The following ARL15 variants were observed in gnomAD, a reference collection of about 807,000 sequenced individuals.
The protein encoded by ARL15 is ADP-ribosylation factor-like protein 15.
ARL15 carries 19 observed loss-of-function variants against 25.2 expected under a neutral mutation model. The observed-to-expected ratio is 0.75, with a 90% CI of 0.53 to 1.10. The LOEUF (loss-of-function observed/expected upper bound fraction) is 1.10, where lower values mean the gene tolerates loss of function less well. Ranked by LOEUF, ARL15 falls within the 50% of genes least tolerant of loss-of-function variation. ARL15 has a pLI of 0.00. For missense variants in ARL15, 220 were observed against 246.0 expected, an observed-to-expected ratio of 0.89 and a Z score of 0.71; for synonymous variants, 94 against 86.8, an observed-to-expected ratio of 1.08 and a Z score of -0.46.
At chr5:54,160,015 C>T (rs530124232) in intron 2 of ARL15, among the ~76,000 whole-genome samples, 21 of 152,304 alleles carry the variant, frequency 1.4e-4, no homozygotes, top group South Asian at 1.0e-3. Context: ...TCTGAGTGCA[C>T]GCACACAGAT....
chr5:54,148,826 T>G (rs931815704), intron 3 of ARL15, among the ~76,000 whole-genome samples: 6 of 152,214 alleles, frequency 3.9e-5, no homozygotes, highest in Admixed American at 2.6e-4. Context: ...GGGAGTATTA[T>G]GATGTCTGGG....
rs1490022743 is a variant in ARL15 at position 53,886,606 on chromosome 5, C to G, written c.570G>C (p.Leu190=). 2 of 1,563,104 alleles carry G rather than the reference C, an allele frequency of 1.3e-6. No individual in the cohort carries two copies. The highest frequency in any genetic ancestry group is 3.8e-5 in the Admixed American group (2 of 52,458). Residue 190 remains leucine (L), a synonymous_variant, in exon 5 of 5, where the codon CTG becomes CTC. Transcript: ENST00000504924. ...GGTCTTTTTCTTCTAACAAATTAAT[C>G]AGCTGAGAGAAGCTGTCTTTCAGTG... is the stretch of plus-strand genomic sequence containing the variant. ...MDALKDSFSQ[L]INLLEEKDHE...
At chr5:54,229,813 A>G (rs567243915) in intron 1 of ARL15, among the ~76,000 whole-genome samples, 2 of 152,296 alleles carry the variant, frequency 1.3e-5, no homozygotes, top group East Asian at 3.9e-4. Context: ...ACATGGTCTC[A>G]ACTGGCTCTG....
At chr5:53,932,247 G>T (rs1746215441) in intron 4 of ARL15, among the ~76,000 whole-genome samples, 1 of 152,158 alleles carries the variant, frequency 6.6e-6, no homozygotes, top group African/African-American at 2.4e-5. Flanking sequence ...CAGGATAAAG[G>T]ATGCAGAAAA....
intron 1 of ARL15, among the ~76,000 whole-genome samples, chr5:54,214,040 C>G (rs1756116344): frequency 6.6e-6 from 1 of 151,058 alleles, no homozygotes; most frequent in Non-Finnish European, 1.5e-5. Flanking sequence ...ACAGAGTAAT[C>G]AAATGATTAC....
Position 54,042,047 on chromosome 5 carries a change from C to T in ARL15, c.462+71155G>A, listed in dbSNP as rs1038622543. Among the ~76,000 whole-genome samples the T allele has an allele frequency of 6.5e-4, 98 of 151,798 alleles. 1 individual carries two copies. In the East Asian group the frequency reaches 9.1e-3, roughly 14 times the overall value. On this transcript the variant is annotated intron_variant, in intron 4 of 4. Transcript: ENST00000504924. ...GTGCAGTGGCACGATCTCGGCTCAC[C>T]GCAACCTCTGCCTCCTGGGTTCAAG...
At chr5:53,991,354 C>T (rs1748485061) in intron 4 of ARL15, among the ~76,000 whole-genome samples, 1 of 151,848 alleles carries the variant, frequency 6.6e-6, no homozygotes, top group Non-Finnish European at 1.5e-5. Flanking sequence ...CCAGCCTGAC[C>T]AATATGATGA....
chr5:53,898,327 T>A (rs901474606), intron 4 of ARL15, among the ~76,000 whole-genome samples: 2 of 152,218 alleles, frequency 1.3e-5, no homozygotes, highest in Non-Finnish European at 2.9e-5. Flanking sequence ...CTTGGTTTTG[T>A]GGCATGAGTT....
chr5:53,963,259 T>A (rs1747428534), intron 4 of ARL15, among the ~76,000 whole-genome samples: 1 of 152,170 alleles, frequency 6.6e-6, no homozygotes. Context: ...CATTATGATT[T>A]TGGTTTTCCA....
intron 4 of ARL15, among the ~76,000 whole-genome samples, chr5:54,056,213 CAT>C (rs1579746105): frequency 1.3e-5 from 2 of 152,202 alleles, no homozygotes; most frequent in East Asian, 3.9e-4. Context: ...ATATCACACT[CAT>C]ATGGTTACTG....
chr5:54,058,748 G>C (rs1750967772), intron 4 of ARL15, among the ~76,000 whole-genome samples: 1 of 152,160 alleles, frequency 6.6e-6, no homozygotes, highest in African/African-American at 2.4e-5. Context: ...ATCCAGATCA[G>C]ATAGAGCTTT....
chr5:54,101,950 TTAAA>T (rs1752450674), intron 4 of ARL15, among the ~76,000 whole-genome samples: 1 of 152,114 alleles, frequency 6.6e-6, no homozygotes, highest in African/African-American at 2.4e-5. Context: ...TATTAAACAT[TTAAA>T]TAATTCAAAT....
chr5:54,110,463 C>T (rs977137170), intron 4 of ARL15, among the ~76,000 whole-genome samples: 1 of 152,004 alleles, frequency 6.6e-6, no homozygotes, highest in Non-Finnish European at 1.5e-5. Context: ...GCCTTTATGA[C>T]TGATTATCTT....
At chr5:54,249,094 G>A (rs1047470102) in intron 1 of ARL15, among the ~76,000 whole-genome samples, 3 of 152,004 alleles carry the variant, frequency 2.0e-5, no homozygotes, top group African/African-American at 7.2e-5. Context: ...AGCCAGTGGA[G>A]GAAACAGAAG....
chr5:53,959,300 G>T (rs1350022147), intron 4 of ARL15, among the ~76,000 whole-genome samples: 1 of 152,132 alleles, frequency 6.6e-6, no homozygotes, highest in African/African-American at 2.4e-5. Flanking sequence ...TAAGCCAAAT[G>T]ACTGCCAAGA....
intron 4 of ARL15, among the ~76,000 whole-genome samples, chr5:53,964,144 G>A (rs1057349875): frequency 1.3e-5 from 2 of 152,136 alleles, no homozygotes; most frequent in Non-Finnish European, 1.5e-5. Flanking sequence ...AGTGCTACCT[G>A]TTCCTCCCTC....
chr5:54,073,175 G>A (rs182594364), intron 4 of ARL15, among the ~76,000 whole-genome samples: 27 of 152,244 alleles, frequency 1.8e-4, no homozygotes, highest in South Asian at 1.5e-3. Context: ...TATGGCAGTC[G>A]GATAAATTAT....
chr5:54,187,799 A>AT (rs1245865189), intron 1 of ARL15, among the ~76,000 whole-genome samples: 2 of 152,110 alleles, frequency 1.3e-5, no homozygotes, highest in African/African-American at 4.8e-5. Context: ...ATACTTGCAT[A>AT]TTTTTGCTTT....
At chr5:54,175,679 G>T in intron 1 of ARL15, among the ~76,000 whole-genome samples, 1 of 134,770 alleles carries the variant, frequency 7.4e-6, no homozygotes, top group Admixed American at 7.3e-5. Context: ...TTTTAAGACA[G>T]TCTGTCTCTG....
Sources: allele counts gnomAD v4.1 joint callset (sites outside exome capture counted in the v4.1 genomes callset), GRCh38; gene constraint gnomAD v4.1.1; transcripts MANE v1.5; gene names NCBI Gene and HGNC (gene_info 2026-07-23, HGNC 2026-07-21).